Variants in PBX1 observed in about 807,000 individuals in gnomAD.
PBX1 encodes the protein pre-B-cell leukemia transcription factor 1.
PBX1 carries 6 observed loss-of-function variants against 53.4 expected under a neutral mutation model. The ratio of observed to expected loss-of-function variants is 0.11; its 90% CI spans 0.06 to 0.22. The LOEUF is 0.22. Among genes scored for constraint, PBX1 ranks in the 10% least tolerant of loss-of-function variants. The pLI is 1.00. For missense variants in PBX1, 251 were observed against 551.4 expected (o/e 0.46, Z 5.46); for synonymous variants, 204 against 212.3 (o/e 0.96, Z 0.34).
intron 2 of PBX1, among the ~76,000 whole-genome samples, chr1:164,675,351 T>C (rs1226111225): frequency 6.6e-6 from 1 of 152,184 alleles, no homozygotes; most frequent in Admixed American, 6.5e-5. Flanking sequence ...TATAGGTTGG[T>C]GCAAAAGTAA....
intron 2 of PBX1, among the ~76,000 whole-genome samples, chr1:164,630,149 G>A (rs189764096): frequency 3.3e-5 from 5 of 152,316 alleles, no homozygotes; most frequent in East Asian, 1.9e-4. Flanking sequence ...GGGACAGTAC[G>A]TGGCTGACGT....
intron 2 of PBX1, among the ~76,000 whole-genome samples, chr1:164,870,362 G>T (rs4504863): frequency 0.33 from 32,096 of 97,570 alleles, 6,031 homozygotes; most frequent in Middle Eastern, 0.44. Context: ...TCTTTCTTTC[G>T]AGATGAAGTC....
intron 2 of PBX1, among the ~76,000 whole-genome samples, chr1:164,652,681 G>A (rs944145574): frequency 3.3e-5 from 5 of 152,072 alleles, no homozygotes; most frequent in Non-Finnish European, 5.9e-5. Flanking sequence ...ATAAGCTTGT[G>A]AATTTTAAAA....
chr1:164,708,277 A>G (rs1663557029), intron 2 of PBX1, among the ~76,000 whole-genome samples: 1 of 152,222 alleles, frequency 6.6e-6, no homozygotes, highest in Non-Finnish European at 1.5e-5. Flanking sequence ...TAAGGGGCAG[A>G]TAGAGATGAG....
At chr1:164,595,047 T>G (rs1224523138) in intron 2 of PBX1, among the ~76,000 whole-genome samples, 1 of 152,252 alleles carries the variant, frequency 6.6e-6, no homozygotes, top group Non-Finnish European at 1.5e-5. Flanking sequence ...TCCTCTCTTA[T>G]GCAGTCTATA....
chr1:164,706,292 G>A (rs867896330), intron 2 of PBX1, among the ~76,000 whole-genome samples: 14 of 152,138 alleles, frequency 9.2e-5, no homozygotes, highest in Non-Finnish European at 7.3e-5. Context: ...TTTAGACCAT[G>A]CCTTAAGAAG....
downstream of PBX1, among the ~76,000 whole-genome samples, chr1:164,853,024 C>T (rs1184206469): frequency 6.6e-6 from 1 of 152,184 alleles, no homozygotes; most frequent in Non-Finnish European, 1.5e-5. Context: ...TATACTGCCT[C>T]AAATGCAATA....
At position 164,848,038 on chromosome 1, in the gene PBX1, C is replaced by T. The variant is rs1671656012; in HGVS notation, c.*1362C>T. ...TGTTATACCACACTATGTTCTTGGT[C>T]CTGACCTATTGCTCTGGAGGAAAGA... On this transcript the variant is annotated 3_prime_UTR_variant, in exon 9 of 9. Transcript: ENST00000420696. 2 of 1,050,110 alleles carry T rather than the reference C, an allele frequency of 1.9e-6. No individual in the cohort carries two copies. The highest frequency in any genetic ancestry group is 2.3e-6 in the Non-Finnish European group (2 of 869,810). The allele number at this position is 1,050,110 out of a possible 1,614,324, so 65.0% of individuals were successfully genotyped here.
At chr1:164,623,503 T>A (rs539251356) in intron 2 of PBX1, among the ~76,000 whole-genome samples, 2 of 152,320 alleles carry the variant, frequency 1.3e-5, no homozygotes, top group South Asian at 4.1e-4. Flanking sequence ...CCCACACAGG[T>A]GGGAGTGGGT....
At chr1:164,865,660 A>G (rs1571542957) in intron 2 of PBX1, among the ~76,000 whole-genome samples, 1 of 152,228 alleles carries the variant, frequency 6.6e-6, no homozygotes, top group African/African-American at 2.4e-5. Context: ...AGGTACAAAG[A>G]TACAAAGCAG....
chr1:164,864,879 T>C (rs1280572665), intron 2 of PBX1, among the ~76,000 whole-genome samples: 1 of 151,960 alleles, frequency 6.6e-6, no homozygotes, highest in Non-Finnish European at 1.5e-5. Context: ...TTTATGGTGT[T>C]GCATGGGGAG....
chr1:164,637,432 G>A (rs954423221), intron 2 of PBX1, among the ~76,000 whole-genome samples: 2 of 152,194 alleles, frequency 1.3e-5, no homozygotes, highest in African/African-American at 2.4e-5. Context: ...GGCTGAGGCC[G>A]TTGACTATAA....
At chr1:164,653,935 T>G (rs1183532339) in intron 2 of PBX1, among the ~76,000 whole-genome samples, 1 of 152,220 alleles carries the variant, frequency 6.6e-6, no homozygotes, top group African/African-American at 2.4e-5. Flanking sequence ...TAGAACAGCC[T>G]GTTCCTTCTT....
intron 2 of PBX1, among the ~76,000 whole-genome samples, chr1:164,861,106 G>C (rs1220331037): frequency 6.6e-6 from 1 of 151,742 alleles, no homozygotes; most frequent in Non-Finnish European, 1.5e-5. Flanking sequence ...AGAGAGGAAG[G>C]AAAAGAGGGA....
At chr1:164,826,817 A>G (rs1670490127) in intron 8 of PBX1, among the ~76,000 whole-genome samples, 1 of 152,216 alleles carries the variant, frequency 6.6e-6, no homozygotes, top group South Asian at 2.1e-4. Context: ...TTTGGTGAAA[A>G]TGGAAATAAG....
chr1:164,877,884 C>A (rs1165358993), intron 2 of PBX1, among the ~76,000 whole-genome samples: 1 of 152,144 alleles, frequency 6.6e-6, no homozygotes, highest in Non-Finnish European at 1.5e-5. Flanking sequence ...TTCTTCCTAC[C>A]TCTTCTTGCC....
At position 164,710,697 on chromosome 1, in the gene PBX1, C is replaced by T. The variant is rs1663708102; in HGVS notation, c.266-81797C>T. On this transcript the variant is annotated intron_variant, in intron 2 of 8. Coordinates refer to ENST00000420696, the MANE Select transcript of PBX1 (RefSeq NM_002585.4). ...AAGTGCTGGGATTATAGGTGTGAAC[C>T]ACCACGCCTGGCGGTGCTGGCTTTC... is the stretch of plus-strand genomic sequence containing the variant. Among the ~76,000 whole-genome samples, 3 of 152,296 alleles carry T rather than the reference C, an allele frequency of 2.0e-5. No individual in the cohort carries two copies. The South Asian group carries it at 6.2e-4, about 32-fold the overall frequency.
At chr1:164,759,187 G>A (rs535779064) in intron 2 of PBX1, among the ~76,000 whole-genome samples, 18 of 152,242 alleles carry the variant, frequency 1.2e-4, no homozygotes, top group African/African-American at 4.3e-4. Context: ...GGATAGTGTC[G>A]GTTCTCAAGT....
intron 2 of PBX1, among the ~76,000 whole-genome samples, chr1:164,708,617 T>C (rs531855104): frequency 3.9e-5 from 6 of 152,202 alleles, no homozygotes; most frequent in Non-Finnish European, 8.8e-5. Flanking sequence ...ATACCCATTG[T>C]TTAGCTCCCA....
Sources: gnomAD v4.1 joint callset for allele counts (sites outside exome capture counted in the v4.1 genomes callset) on GRCh38, gnomAD v4.1.1 for gene constraint, MANE v1.5 for transcripts, NCBI Gene and HGNC (gene_info 2026-07-23, HGNC 2026-07-21) for gene names.